CBR4: variants seen among roughly 807,000 people sequenced by gnomAD.
CBR4 encodes carbonyl reductase 4, also known as 3-oxoacyl-[acyl-carrier-protein] reductase.
Under a neutral mutation model 21.0 loss-of-function variants are expected in CBR4, and 22 were observed. That is an observed-to-expected ratio of 1.05 (90% CI 0.75 to 1.50). The LOEUF is 1.50. Among genes scored for constraint, CBR4 ranks in the 40% most tolerant of loss-of-function variants. CBR4 has a pLI of 0.00. For synonymous variants in CBR4, 100 were observed against 104.4 expected, an observed-to-expected ratio of 0.96 and a Z score of 0.26; for missense variants, 302 against 286.3, an observed-to-expected ratio of 1.05 and a Z score of -0.40.
chr4:168,999,815 T>G (rs1730265237), intron 4 of CBR4, among the ~76,000 whole-genome samples: 1 of 152,220 alleles, frequency 6.6e-6, no homozygotes, highest in African/African-American at 2.4e-5. Flanking sequence ...ATTCTTTCCT[T>G]CTTCAACATT....
intron 3 of CBR4, among the ~76,000 whole-genome samples, chr4:169,003,912 A>G (rs1275340019): frequency 2.6e-5 from 4 of 152,060 alleles, no homozygotes; most frequent in Non-Finnish European, 4.4e-5. Flanking sequence ...ACATGGACAC[A>G]GGAAGGGGAA....
At position 168,940,624 on chromosome 4, in the gene CBR4, A is replaced by G. The variant is rs574666227; in HGVS notation, n.170-45859T>C. ...AAAAAACATCAAAAAGTGGGTGAAG[A>G]ATATGAACAGACACTTCTCAAAAGA... is the stretch of plus-strand genomic sequence containing the variant. On this transcript the variant is annotated intron_variant and non_coding_transcript_variant, in intron 2 of 3. Transcript: ENST00000509108. Among the ~76,000 whole-genome samples, 149 of 152,214 alleles carry G rather than the reference A, an allele frequency of 9.8e-4. 1 individual carries two copies. The highest frequency in any genetic ancestry group is 3.5e-3 in the African/African-American group (144 of 41,558).
intron 2 of CBR4, among the ~76,000 whole-genome samples, chr4:168,911,592 T>C (rs1346280685): frequency 1.3e-5 from 2 of 152,204 alleles, no homozygotes; most frequent in Non-Finnish European, 2.9e-5. Context: ...TAGTTCATGA[T>C]GGAGGTCTTC....
rs544299605 is a variant in CBR4, at chr4:168,999,244, T to A, written c.535+2827A>T. ...ATTTGCTTTTAAACTGTTTTCCTGC[T>A]AATTGGAAACTCCATTTGAAGGTGA... On this transcript the variant is annotated intron_variant, in intron 4 of 4. Coordinates refer to ENST00000306193, the MANE Select transcript of CBR4 (RefSeq NM_032783.5). Among the ~76,000 whole-genome samples, 44 of 152,264 alleles carry A rather than the reference T, an allele frequency of 2.9e-4. 1 individual carries two copies. In the South Asian group the frequency reaches 8.5e-3, roughly 29 times the overall value.
intron 2 of CBR4, among the ~76,000 whole-genome samples, chr4:168,924,714 TA>T (rs1466489359): frequency 5.3e-5 from 8 of 152,336 alleles, no homozygotes; most frequent in South Asian, 4.1e-4. Flanking sequence ...GTGGTTTTTG[TA>T]AAGGCAGATC....
At chr4:168,923,199 T>C (rs1337457429) in intron 2 of CBR4, among the ~76,000 whole-genome samples, 1 of 152,242 alleles carries the variant, frequency 6.6e-6, no homozygotes, top group Non-Finnish European at 1.5e-5. Flanking sequence ...CAAAGTGAGC[T>C]TCTGTTCCCA....
At position 168,921,682 on chromosome 4, in the gene CBR4, C is replaced by T. The variant is rs201412478; in HGVS notation, n.170-26917G>A. On this transcript the variant is annotated intron_variant and non_coding_transcript_variant, in intron 2 of 3. Coordinates refer to the CBR4 transcript ENST00000509108. Reference sequence around the variant, plus strand: ...ACGTCACGTGATGCCGGCATCTACACATGTATAGCTACCAACCGAGCAGGA... The same window carrying T: ...ACGTCACGTGATGCCGGCATCTACATATGTATAGCTACCAACCGAGCAGGA... 21 of 1,611,620 alleles carry T rather than the reference C, an allele frequency of 1.3e-5. No homozygotes were observed. Among genetic ancestry groups the T allele is most frequent in the Admixed American group, 6.7e-5 (4 of 59,814 alleles).
intron 2 of CBR4, among the ~76,000 whole-genome samples, chr4:168,933,543 T>G (rs1028982469): frequency 6.6e-6 from 1 of 152,140 alleles, no homozygotes; most frequent in Non-Finnish European, 1.5e-5. Flanking sequence ...AAAGGAGAGA[T>G]AGACCTCAAT....
chr4:168,929,316 C>CTAA (rs1384450215), intron 2 of CBR4, among the ~76,000 whole-genome samples: 1 of 152,148 alleles, frequency 6.6e-6, no homozygotes, highest in African/African-American at 2.4e-5. Flanking sequence ...GGTCATTTAT[C>CTAA]TAATTCACAG....
intron 2 of CBR4, among the ~76,000 whole-genome samples, chr4:168,967,472 T>C (rs994710888): frequency 3.3e-5 from 5 of 152,138 alleles, no homozygotes; most frequent in Non-Finnish European, 7.4e-5. Flanking sequence ...AATCTGCACA[T>C]TGTGCACATG....
intron 2 of CBR4, among the ~76,000 whole-genome samples, chr4:168,935,777 GA>G (rs937070875): frequency 1.3e-5 from 2 of 152,200 alleles, no homozygotes; most frequent in Non-Finnish European, 2.9e-5. Context: ...GGCTCATAGG[GA>G]AAACTCCCAT....
At chr4:168,937,927 A>T (rs1027138673) in intron 2 of CBR4, among the ~76,000 whole-genome samples, 1 of 152,226 alleles carries the variant, frequency 6.6e-6, no homozygotes, top group African/African-American at 2.4e-5. Context: ...TAACAAGGAT[A>T]TTCAGGACTG....
intron 4 of CBR4, among the ~76,000 whole-genome samples, chr4:168,997,891 A>G (rs1254375799): frequency 6.6e-6 from 1 of 152,184 alleles, no homozygotes; most frequent in Non-Finnish European, 1.5e-5. Context: ...ACACTTTTCT[A>G]AGGGAGAAGA....
intron 3 of CBR4, chr4:169,005,483 C>A (rs1730832593): frequency 6.2e-6 from 1 of 161,498 alleles, no homozygotes; most frequent in African/African-American, 2.4e-5. Context: ...TAGTAAGATT[C>A]TCAATTTACT....
chr4:168,986,325 G>A (rs1764691085), downstream of CBR4, among the ~76,000 whole-genome samples: 1 of 152,092 alleles, frequency 6.6e-6, no homozygotes, highest in Non-Finnish European at 1.5e-5. Flanking sequence ...GATACTGAGG[G>A]CCAACTGTAC....
intron 2 of CBR4, among the ~76,000 whole-genome samples, chr4:168,906,662 T>A (rs2151335938): frequency 6.6e-6 from 1 of 152,314 alleles, no homozygotes; most frequent in African/African-American, 2.4e-5. Context: ...TCTTCCTCAG[T>A]CACCCAGGCT....
chr4:168,986,707 C>T (rs924519258), downstream of CBR4, among the ~76,000 whole-genome samples: 1 of 152,120 alleles, frequency 6.6e-6, no homozygotes, highest in Non-Finnish European at 1.5e-5. Context: ...CTTTCAGAGG[C>T]CAAGGCAGGA....
intron 4 of CBR4, among the ~76,000 whole-genome samples, chr4:168,993,817 T>A (rs1459611051): frequency 6.6e-6 from 1 of 152,166 alleles, no homozygotes; most frequent in Non-Finnish European, 1.5e-5. Context: ...CTTGTGACTA[T>A]GCAAATCCCA....
At chr4:168,980,473 C>T (rs534934009) in intron 2 of CBR4, among the ~76,000 whole-genome samples, 2 of 151,914 alleles carry the variant, frequency 1.3e-5, no homozygotes, top group African/African-American at 4.8e-5. Context: ...TGGTGGCTCA[C>T]GCCTGTAATC....
Sources: allele counts gnomAD v4.1 joint callset (sites outside exome capture counted in the v4.1 genomes callset), GRCh38; gene constraint gnomAD v4.1.1; transcripts MANE v1.5; gene names NCBI Gene and HGNC (gene_info 2026-07-23, HGNC 2026-07-21).